The following RAI14 variants were observed in gnomAD, a reference collection of about 807,000 sequenced individuals.
The protein encoded by RAI14 is ankycorbin.
RAI14 carries 45 observed loss-of-function variants against 115.4 expected under a neutral mutation model. That is an observed-to-expected ratio of 0.39 (90% confidence interval 0.31 to 0.50). The LOEUF is 0.50. Among genes scored for constraint, RAI14 ranks in the 20% least tolerant of loss-of-function variants. The pLI is 0.85. For missense variants in RAI14, 939 were observed against 1,131.2 expected, an observed-to-expected ratio of 0.83 and a Z score of 2.44; for synonymous variants, 371 against 415.4, an observed-to-expected ratio of 0.89 and a Z score of 1.30.
intron 10 of RAI14, 66 bp from the exon 11 acceptor site, chr5:34,813,508 C>T: frequency 1.8e-6 from 2 of 1,088,992 alleles, no homozygotes; most frequent in East Asian, 4.8e-5. Flanking sequence ...TTTGATAAAG[C>T]TACTTGCCCA....
chr5:34,733,411 C>G (rs1057297659), intron 2 of RAI14: 10 of 152,294 alleles, frequency 6.6e-5, no homozygotes, highest in African/African-American at 2.4e-4. Flanking sequence ...TATTGAACTG[C>G]TCAAGTTAAT....
intron 1 of RAI14, among the ~76,000 whole-genome samples, chr5:34,659,891 A>G (rs1348351879): frequency 6.6e-6 from 1 of 152,180 alleles, no homozygotes; most frequent in Non-Finnish European, 1.5e-5. Context: ...TAATTAAGAA[A>G]AGTGGGACTG....
Position 34,770,852 on chromosome 5 carries a change from T to A in RAI14, c.167+13254T>A, listed in dbSNP as rs112894889. ...TTAAAAATATTTTAATCCTGTTTTTTAAAATATTATTTAATATCATTAGTT... is the reference window on the plus strand; with the variant it reads ...TTAAAAATATTTTAATCCTGTTTTTAAAAATATTATTTAATATCATTAGTT... On this transcript the variant is annotated intron_variant, in intron 3 of 17. Transcript: ENST00000265109. Among the ~76,000 whole-genome samples the A allele has an allele frequency of 4.7e-3, 723 of 152,348 alleles. 3 individuals carry two copies. Among genetic ancestry groups the A allele is most frequent in the African/African-American group, 0.016 (673 of 41,576 alleles).
In RAI14 at chr5:34,824,180, A is replaced by G; in HGVS notation, c.2338A>G (p.Thr780Ala). 6.2e-7 allele frequency: 1 copy of G among 1,614,212 alleles called. No homozygotes were observed. The highest frequency in any genetic ancestry group is 8.5e-7 in the Non-Finnish European group (1 of 1,180,036). Residue 780 changes from threonine (T) to alanine (A), a missense_variant, in exon 15 of 18, where the codon ACT (threonine) becomes GCT (alanine). Transcript: ENST00000265109. Reference sequence around the variant, plus strand: ...ACTCTTAGAAGAGAAAGCTGCTATGACTGATGCAATGGTACCTCGGTCTTC... The same window carrying G: ...ACTCTTAGAAGAGAAAGCTGCTATGGCTGATGCAATGGTACCTCGGTCTTC... Reference protein sequence around the residue: ...KQLLEEKAAMTDAMVPRSSYE... With the variant: ...KQLLEEKAAMADAMVPRSSYE...
Position 34,697,609 on chromosome 5 carries a change from C to T in RAI14, c.36+10654C>T, listed in dbSNP as rs114209620. Among the ~76,000 whole-genome samples, 854 of 152,154 alleles carry T rather than the reference C, an allele frequency of 5.6e-3. 9 individuals are homozygous for T. The highest frequency in any genetic ancestry group is 0.02 in the African/African-American group (814 of 41,506). ...TTTGTTTTTAAGTACACCATTTTAC[C>T]GTCATAATCTTGAGGTTGCTTACAC... is the stretch of plus-strand genomic sequence containing the variant. On this transcript the variant is annotated intron_variant, in intron 2 of 17. Coordinates refer to ENST00000265109, the MANE Select transcript of RAI14 (RefSeq NM_015577.3).
chr5:34,809,549 T>G (rs1245188770), intron 7 of RAI14, among the ~76,000 whole-genome samples: 1 of 152,104 alleles, frequency 6.6e-6, no homozygotes, highest in African/African-American at 2.4e-5. Flanking sequence ...AGTCAGATTT[T>G]CTTCAGCCTC....
At chr5:34,780,170 A>G (rs1751428892) in intron 3 of RAI14, among the ~76,000 whole-genome samples, 2 of 152,244 alleles carry the variant, frequency 1.3e-5, no homozygotes, top group South Asian at 4.1e-4. Context: ...GGCTAGCCAT[A>G]TGTAGAAAGC....
intron 2 of RAI14, among the ~76,000 whole-genome samples, chr5:34,738,062 A>G (rs1356790922): frequency 2.6e-5 from 4 of 152,118 alleles, no homozygotes; most frequent in African/African-American, 2.4e-5. Flanking sequence ...GCTCATATTT[A>G]TAGAGGGAGG....
intron 2 of RAI14, among the ~76,000 whole-genome samples, chr5:34,745,819 G>A (rs940197367): frequency 1.3e-4 from 19 of 151,976 alleles, no homozygotes; most frequent in Non-Finnish European, 2.2e-4. Context: ...GGGAGCTATT[G>A]GAGCATTACC....
chr5:34,717,490 A>G (rs1470739518), intron 2 of RAI14, among the ~76,000 whole-genome samples: 1 of 152,152 alleles, frequency 6.6e-6, no homozygotes, highest in Non-Finnish European at 1.5e-5. Context: ...TAACTTGCCC[A>G]TTTTGGGCGG....
intron 2 of RAI14, among the ~76,000 whole-genome samples, chr5:34,748,613 T>G (rs1746598243): frequency 6.6e-6 from 1 of 152,188 alleles, no homozygotes; most frequent in African/African-American, 2.4e-5. Context: ...ACTTTGCCAC[T>G]TCTAATATCC....
intron 2 of RAI14, among the ~76,000 whole-genome samples, chr5:34,746,100 C>CCCCCCG (rs1746171194): frequency 8.0e-6 from 1 of 124,842 alleles, no homozygotes; most frequent in Non-Finnish European, 1.7e-5. Flanking sequence ...CTCCCCCCCC[C>CCCCCCG]GCCTTTTTTT....
At chr5:34,830,176 G>A (rs1220368174) in intron 17 of RAI14, among the ~76,000 whole-genome samples, 1 of 152,076 alleles carries the variant, frequency 6.6e-6, no homozygotes, top group Non-Finnish European at 1.5e-5. Flanking sequence ...TAGAGATGGG[G>A]CTTTGCCATG....
At chr5:34,689,566 C>A (rs185939527) in intron 2 of RAI14, among the ~76,000 whole-genome samples, 6 of 151,976 alleles carry the variant, frequency 3.9e-5, no homozygotes, top group Non-Finnish European at 7.4e-5. Context: ...ACTGGGGTGA[C>A]AGTTAAATGC....
intron 1 of RAI14, among the ~76,000 whole-genome samples, chr5:34,666,710 G>A (rs1275208876): frequency 6.6e-6 from 1 of 152,220 alleles, no homozygotes; most frequent in Non-Finnish European, 1.5e-5. Context: ...CTGCCTGCCT[G>A]ACCTGACAGA....
intron 3 of RAI14, among the ~76,000 whole-genome samples, chr5:34,767,480 C>T (rs1050327249): frequency 1.3e-5 from 2 of 152,160 alleles, no homozygotes; most frequent in African/African-American, 4.8e-5. Flanking sequence ...AACCAGCCTG[C>T]TCAGAGGCTG....
chr5:34,809,435 C>T (rs1056255157), intron 7 of RAI14, among the ~76,000 whole-genome samples: 3 of 152,144 alleles, frequency 2.0e-5, no homozygotes, highest in Admixed American at 6.5e-5. Context: ...GCTGAAGATT[C>T]ATTTGATGAA....
intron 3 of RAI14, among the ~76,000 whole-genome samples, chr5:34,762,971 G>A (rs918949698): frequency 2.3e-5 from 3 of 131,264 alleles, no homozygotes; most frequent in Non-Finnish European, 3.0e-5. Context: ...GTGTGTGTGT[G>A]TGTGTATGTG....
chr5:34,672,837 C>T (rs1742370781), intron 1 of RAI14, among the ~76,000 whole-genome samples: 2 of 151,958 alleles, frequency 1.3e-5, no homozygotes, highest in African/African-American at 4.8e-5. Flanking sequence ...CCCCTTCTCA[C>T]CCCATACCCC....
Sources: gnomAD v4.1 joint callset for allele counts (sites outside exome capture counted in the v4.1 genomes callset) on GRCh38, gnomAD v4.1.1 for gene constraint, MANE v1.5 for transcripts, NCBI Gene and HGNC (gene_info 2026-07-23, HGNC 2026-07-21) for gene names.